NOX3: variants seen among roughly 807,000 people sequenced by gnomAD.
NOX3 encodes NADPH oxidase catalytic subunit-like 3.
In NOX3, 74 loss-of-function variants were observed where a neutral mutation model predicts 76.7. The observed-to-expected ratio is 0.96, with a 90% confidence interval of 0.80 to 1.17. The LOEUF is 1.17. Among genes scored for constraint, NOX3 ranks in the 50% most tolerant of loss-of-function variants. The pLI, the probability that NOX3 is intolerant of heterozygous loss-of-function variation, is 0.00. For synonymous variants in NOX3, 263 were observed against 261.1 expected (o/e 1.01, Z -0.07); for missense variants, 695 against 703.3 (o/e 0.99, Z 0.13).
intron 10 of NOX3, 122 bp from the exon 11 acceptor site, chr6:155,411,482 C>A: frequency 1.2e-6 from 1 of 818,028 alleles, no homozygotes; most frequent in Non-Finnish European, 1.8e-6. Context: ...AAATAACATG[C>A]TTTTTTTTGT....
chr6:155,429,997 TA>T (rs1400301759), intron 8 of NOX3, among the ~76,000 whole-genome samples: 1 of 152,198 alleles, frequency 6.6e-6, no homozygotes, highest in African/African-American at 2.4e-5. Context: ...GTGCTTAACT[TA>T]AAAACAGCAA....
chr6:155,440,918 T>C (rs1776976908), intron 5 of NOX3, among the ~76,000 whole-genome samples: 1 of 152,182 alleles, frequency 6.6e-6, no homozygotes, highest in African/African-American at 2.4e-5. Context: ...TTGGTAGTTG[T>C]TCCTTGCTCT....
At position 155,440,125 on chromosome 6, in the gene NOX3, C is replaced by T. The variant is rs752152453; in HGVS notation, c.499G>A (p.Glu167Lys). The T allele has an allele frequency of 6.3e-7, 1 of 1,578,428 alleles. No individual in the cohort carries two copies. The highest frequency in any genetic ancestry group is 8.6e-7 in the Non-Finnish European group (1 of 1,164,816). Residue 167 changes from glutamate (E) to lysine (K), a missense_variant, in exon 6 of 14, where the codon GAA (glutamate) becomes AAA (lysine). By Grantham distance (56) the Glu-to-Lys change is moderately conservative. Transcript: ENST00000159060. ...VRTFPTNTTT[E>K]LLRTIAGVTG... Reference sequence around the variant, plus strand: ...ACGCCTGCTATTGTCCTTAGCAATTCAGTGGTTGTGTTCTAAAAAAAACAA... The same window carrying T: ...ACGCCTGCTATTGTCCTTAGCAATTTAGTGGTTGTGTTCTAAAAAAAACAA...
At chr6:155,444,429 T>C (rs1029220230) in intron 4 of NOX3, among the ~76,000 whole-genome samples, 2 of 152,224 alleles carry the variant, frequency 1.3e-5, no homozygotes, top group Admixed American at 6.5e-5. Flanking sequence ...ATCCTTATTT[T>C]ACTTAAAAAT....
chr6:155,448,980 G>A (rs1275697931), intron 4 of NOX3, among the ~76,000 whole-genome samples: 2 of 152,152 alleles, frequency 1.3e-5, no homozygotes, highest in African/African-American at 4.8e-5. Flanking sequence ...CCCTGTGTGT[G>A]CCACGCATTT....
At chr6:155,442,188 C>T (rs957183516) in intron 5 of NOX3, among the ~76,000 whole-genome samples, 7 of 152,034 alleles carry the variant, frequency 4.6e-5, no homozygotes, top group Non-Finnish European at 1.0e-4. Flanking sequence ...AGCGTGAATC[C>T]GGGAGGCGGA....
At chr6:155,432,950 G>A (rs975027889) in intron 7 of NOX3, among the ~76,000 whole-genome samples, 2 of 152,116 alleles carry the variant, frequency 1.3e-5, no homozygotes. Context: ...GAATTGCTTT[G>A]GATGTTTATA....
At chr6:155,448,613 A>G (rs1777094694) in intron 4 of NOX3, among the ~76,000 whole-genome samples, 1 of 150,408 alleles carries the variant, frequency 6.6e-6, no homozygotes, top group Non-Finnish European at 1.5e-5. Flanking sequence ...CTGAGTTCAA[A>G]TAAGGAGCTT....
At chr6:155,421,717 A>G (rs1562463290) in intron 10 of NOX3, among the ~76,000 whole-genome samples, 1 of 151,934 alleles carries the variant, frequency 6.6e-6, no homozygotes, top group Non-Finnish European at 1.5e-5. Flanking sequence ...CTAGCGTCAA[A>G]CTCCTGGCCT....
Position 155,395,378 on chromosome 6 carries a change from T to A in NOX3, c.*224A>T, listed in dbSNP as rs1310629578. Reference sequence around the variant, plus strand: ...AAAGTTAAGAAGCCTTTGAGAAACATAATATATTTTAATTTCAGTAAATGT... The same window carrying A: ...AAAGTTAAGAAGCCTTTGAGAAACAAAATATATTTTAATTTCAGTAAATGT... On this transcript the variant is annotated 3_prime_UTR_variant, in exon 14 of 14. Transcript: ENST00000159060. 6.6e-6 allele frequency: 1 copy of A among 152,204 alleles called. No homozygotes were observed. The highest frequency in any genetic ancestry group is 1.5e-5 in the Non-Finnish European group (1 of 68,018). The allele number at this position is 152,204 out of a possible 1,614,324, so 9.4% of individuals were successfully genotyped here.
At chr6:155,403,528 G>A (rs923567787) in intron 12 of NOX3, among the ~76,000 whole-genome samples, 3 of 152,162 alleles carry the variant, frequency 2.0e-5, no homozygotes, top group African/African-American at 4.8e-5. Flanking sequence ...TGGGGGCCTC[G>A]TCTACTCTGG....
rs571435017 is a variant in NOX3, at chr6:155,418,652, TC to T, written c.1308+4041del. ...ACAAAGATATTTTAAGACATCAGCTTCAAATGGAAAGTACTACTTATGACGC... is the reference window on the plus strand; with the variant it reads ...ACAAAGATATTTTAAGACATCAGCTTAAATGGAAAGTACTACTTATGACGC... On this transcript the variant is annotated intron_variant, in intron 10 of 13. Transcript: ENST00000159060. Among the ~76,000 whole-genome samples the T allele has an allele frequency of 2.6e-5, 4 of 152,004 alleles. No homozygotes were observed. The East Asian group carries it at 7.7e-4, about 29-fold the overall frequency.
At chr6:155,419,781 A>G (rs751632436) in intron 10 of NOX3, among the ~76,000 whole-genome samples, 2 of 152,122 alleles carry the variant, frequency 1.3e-5, no homozygotes, top group Non-Finnish European at 2.9e-5. Flanking sequence ...CTCCTGTATG[A>G]ATTTTAAAAT....
At chr6:155,433,673 G>A (rs1243781455) in intron 7 of NOX3, among the ~76,000 whole-genome samples, 2 of 152,210 alleles carry the variant, frequency 1.3e-5, no homozygotes, top group African/African-American at 2.4e-5. Context: ...ACAAAATGGC[G>A]GTTATGGAAG....
intron 2 of NOX3, 23 bp downstream of exon 2, chr6:155,455,011 G>C (rs760951950): frequency 5.7e-6 from 9 of 1,580,898 alleles, no homozygotes; most frequent in Admixed American, 1.8e-5. Flanking sequence ...AAAAAATAAT[G>C]TTTAATCATA....
At chr6:155,415,903 A>T (rs758885597) in intron 10 of NOX3, among the ~76,000 whole-genome samples, 2 of 152,210 alleles carry the variant, frequency 1.3e-5, no homozygotes, top group Non-Finnish European at 2.9e-5. Context: ...AAGACAGTAT[A>T]TTATAGAGCA....
intron 9 of NOX3, among the ~76,000 whole-genome samples, chr6:155,423,141 C>T (rs1186505774): frequency 6.6e-6 from 1 of 152,180 alleles, no homozygotes; most frequent in African/African-American, 2.4e-5. Flanking sequence ...GTGGCATGCT[C>T]TCCTTACAGC....
chr6:155,435,471 C>T (rs117971958), intron 7 of NOX3, among the ~76,000 whole-genome samples: 1 of 152,064 alleles, frequency 6.6e-6, no homozygotes, highest in African/African-American at 2.4e-5. Context: ...TTTAATCATT[C>T]CTCCTAGTAC....
chr6:155,439,898 G>C (rs1309478745), intron 6 of NOX3, 58 bp downstream of exon 6: 3 of 1,503,142 alleles, frequency 2.0e-6, no homozygotes, highest in Non-Finnish European at 2.7e-6. Context: ...GACTTTCTAA[G>C]ATTATTTTGG....
Sources: gnomAD v4.1 joint callset for allele counts (sites outside exome capture counted in the v4.1 genomes callset) on GRCh38, gnomAD v4.1.1 for gene constraint, MANE v1.5 for transcripts, NCBI Gene and HGNC (gene_info 2026-07-23, HGNC 2026-07-21) for gene names.